Variants in C12orf42 observed in about 807,000 individuals in gnomAD.
The protein encoded by C12orf42 is uncharacterized protein C12orf42.
C12orf42 carries 25 observed loss-of-function variants against 21.6 expected under a neutral mutation model. That is an observed-to-expected ratio of 1.16 (90% CI 0.84 to 1.62). The LOEUF is 1.62. C12orf42 is among the 40% of genes most tolerant of loss of function. The pLI is 0.00. For synonymous variants in C12orf42, 174 were observed against 175.0 expected (o/e 0.99, Z 0.05); for missense variants, 483 against 459.3 (o/e 1.05, Z -0.47).
chr12:103,472,227 TG>T (rs1953683042), intron 2 of C12orf42, among the ~76,000 whole-genome samples: 1 of 151,900 alleles, frequency 6.6e-6, no homozygotes, highest in African/African-American at 2.4e-5. Context: ...GCTAATTTTT[TG>T]TAATTTCAGT....
At chr12:103,534,966 C>T in the C12orf42 span, among the ~76,000 whole-genome samples, 52 of 152,302 alleles carry the variant, frequency 3.4e-4, no homozygotes, top group African/African-American at 1.1e-3. Context: ...ACAACCACAA[C>T]ATGTGCAAGT....
rs961890942 is a variant in C12orf42, at chr12:103,301,998, G to C, written c.*110C>G. ...TTAGGTTCAAAAATGCTTCACAAAA[G>C]CCTAACAATGGTTCTGTGGAAACCA... On this transcript the variant is annotated 3_prime_UTR_variant, in exon 6 of 6. Transcript: ENST00000548883. 3 of 1,233,206 alleles carry C rather than the reference G, an allele frequency of 2.4e-6. No homozygotes were observed. The highest frequency in any genetic ancestry group is 3.4e-6 in the Non-Finnish European group (3 of 884,188). The allele number at this position is 1,233,206 out of a possible 1,614,324, so 76.4% of individuals were successfully genotyped here.
chr12:103,277,771 C>A (rs2035858639), intron 4 of C12orf42, among the ~76,000 whole-genome samples: 1 of 152,038 alleles, frequency 6.6e-6, no homozygotes, highest in African/African-American at 2.4e-5. Context: ...AGGCACCCGC[C>A]AAAACGCCCG....
intron 2 of C12orf42, among the ~76,000 whole-genome samples, chr12:103,444,228 T>G (rs750602602): frequency 6.6e-5 from 10 of 152,108 alleles, no homozygotes; most frequent in African/African-American, 9.6e-5. Context: ...TACTATTTGT[T>G]GTTTCTAAAT....
rs907367447 is a variant in C12orf42 at position 103,348,342 on chromosome 12, C to T, written c.259+20545G>A. ...ACCGGAAAACAAGACAAGGAAGATC[C>T]TACCTTATTGTGGGAGAAGAACACT... On this transcript the variant is annotated intron_variant, in intron 4 of 5. Transcript: ENST00000548883. Among the ~76,000 whole-genome samples the T allele has an allele frequency of 3.9e-5, 6 of 152,118 alleles. 1 individual carries two copies. The highest frequency in any genetic ancestry group is 2.0e-4 in the Admixed American group (3 of 15,260).
At position 103,466,102 on chromosome 12, in the gene C12orf42, T is replaced by C. The variant is rs1953105833; in HGVS notation, c.78+12247A>G. 2.0e-5 allele frequency among the ~76,000 whole-genome samples: 3 copies of C among 152,232 alleles called. No individual in the cohort carries two copies. In the South Asian group the frequency reaches 6.2e-4, roughly 32 times the overall value. On this transcript the variant is annotated intron_variant, in intron 2 of 5. Transcript: ENST00000548883. ...TTGCCAGCTTTTGGTATCAGGATGA[T>C]GCTGGTCTCATAAAATGACTTAGGG...
At chr12:103,490,517 T>C (rs1251844358) in intron 1 of C12orf42, among the ~76,000 whole-genome samples, 2 of 152,118 alleles carry the variant, frequency 1.3e-5, no homozygotes, top group Non-Finnish European at 2.9e-5. Flanking sequence ...TATTTTCACA[T>C]ATCAGTGAGC....
the C12orf42 span, among the ~76,000 whole-genome samples, chr12:103,048,814 C>T: frequency 6.6e-6 from 1 of 152,136 alleles, no homozygotes; most frequent in Non-Finnish European, 1.5e-5. Flanking sequence ...TTATATTGCG[C>T]CCTTATCCCT....
chr12:103,086,078 C>T, the C12orf42 span, among the ~76,000 whole-genome samples: 1 of 152,150 alleles, frequency 6.6e-6, no homozygotes, highest in African/African-American at 2.4e-5. Context: ...CTCCCACATT[C>T]ACTCCTTTTT....
At chr12:103,197,314 G>A in the C12orf42 span, among the ~76,000 whole-genome samples, 3 of 152,094 alleles carry the variant, frequency 2.0e-5, no homozygotes, top group Non-Finnish European at 2.9e-5. Context: ...CCCTTGGTGG[G>A]GATCTGAGAT....
chr12:103,220,102 C>T, the C12orf42 span, among the ~76,000 whole-genome samples: 1 of 152,110 alleles, frequency 6.6e-6, no homozygotes, highest in African/African-American at 2.4e-5. Flanking sequence ...GAATTCATGT[C>T]CTTTGCAGGG....
At chr12:103,456,600 C>T (rs1007378981) in intron 2 of C12orf42, among the ~76,000 whole-genome samples, 8 of 152,096 alleles carry the variant, frequency 5.3e-5, no homozygotes, top group East Asian at 1.9e-4. Context: ...GCACATAGCA[C>T]GCATGATAAA....
chr12:103,202,635 T>C, the C12orf42 span, among the ~76,000 whole-genome samples: 1 of 152,226 alleles, frequency 6.6e-6, no homozygotes, highest in African/African-American at 2.4e-5. Flanking sequence ...AGTCTTATTC[T>C]AGTTACCGTT....
chr12:103,484,893 G>A (rs1954726692), intron 1 of C12orf42, among the ~76,000 whole-genome samples: 2 of 128,784 alleles, frequency 1.6e-5, no homozygotes, highest in African/African-American at 3.1e-5. Context: ...TTTTTGAGAA[G>A]GAGTCTCTCT....
At chr12:103,146,610 A>AAGAAAGAG in the C12orf42 span, among the ~76,000 whole-genome samples, 5 of 147,686 alleles carry the variant, frequency 3.4e-5, no homozygotes, top group Admixed American at 3.4e-4. Flanking sequence ...GAAAGAAAGA[A>AAGAAAGAG]AAAGAAAAGT....
the C12orf42 span, among the ~76,000 whole-genome samples, chr12:103,506,461 T>C: frequency 1.2e-4 from 18 of 152,106 alleles, no homozygotes; most frequent in African/African-American, 4.1e-4. Flanking sequence ...CCTGTAAGAT[T>C]ATAATATCTT....
At chr12:103,116,381 A>ATATATATATATATAT in the C12orf42 span, among the ~76,000 whole-genome samples, 1 of 136,700 alleles carries the variant, frequency 7.3e-6, no homozygotes, top group African/African-American at 2.7e-5. Flanking sequence ...AAAAAAAAAA[A>ATATATATATATATAT]ATATATATAT....
At chr12:103,281,922 A>AG (rs1491199969) in intron 4 of C12orf42, among the ~76,000 whole-genome samples, 1 of 132,682 alleles carries the variant, frequency 7.5e-6, no homozygotes, top group African/African-American at 3.2e-5. Flanking sequence ...AGAAAAAGAA[A>AG]GAAAGAAAGA....
At chr12:103,242,721 GTGTTTTAAGAAAGGAAAAACAA>G (rs1480690609) in intron 10 of C12orf42, among the ~76,000 whole-genome samples, 1 of 151,992 alleles carries the variant, frequency 6.6e-6, no homozygotes, top group Non-Finnish European at 1.5e-5. Context: ...GATGAAACAT[GTGTTTTAAGAAAGGAAAAACAA>G]TATTTTAATA....
Sources: allele counts gnomAD v4.1 joint callset (sites outside exome capture counted in the v4.1 genomes callset), GRCh38; gene constraint gnomAD v4.1.1; transcripts MANE v1.5; gene names NCBI Gene and HGNC (gene_info 2026-07-23, HGNC 2026-07-21).